Variants in PIGU observed in about 807,000 individuals in gnomAD.
PIGU encodes the protein GPI-anchor transamidase component PIGU.
In PIGU, 24 loss-of-function variants were observed where a neutral mutation model predicts 49.9. That is an observed-to-expected ratio of 0.48 (90% confidence interval 0.35 to 0.68). The LOEUF (loss-of-function observed/expected upper bound fraction) is 0.68, where lower values mean the gene tolerates loss of function less well. Among genes scored for constraint, PIGU ranks in the 30% least tolerant of loss-of-function variants. PIGU has a pLI of 0.01. For missense variants in PIGU, 490 were observed against 532.6 expected, an observed-to-expected ratio of 0.92 and a Z score of 0.79; for synonymous variants, 220 against 205.7, an observed-to-expected ratio of 1.07 and a Z score of -0.59.
At chr20:34,657,417 T>C (rs1301791302) in intron 1 of PIGU, among the ~76,000 whole-genome samples, 173 bp from the exon 2 acceptor site, 1 of 152,256 alleles carries the variant, frequency 6.6e-6, no homozygotes, top group Non-Finnish European at 1.5e-5. Flanking sequence ...CTCTCTTTCA[T>C]GGACAGCATC....
At chr20:34,632,496 T>C (rs1985819093) in intron 6 of PIGU, among the ~76,000 whole-genome samples, 1 of 151,954 alleles carries the variant, frequency 6.6e-6, no homozygotes, top group Non-Finnish European at 1.5e-5. Flanking sequence ...GCCTCCCAAG[T>C]AGCTGGGATT....
intron 6 of PIGU, among the ~76,000 whole-genome samples, chr20:34,618,630 TA>T (rs897407900): frequency 8.6e-5 from 13 of 151,696 alleles, no homozygotes; most frequent in African/African-American, 3.2e-4. Context: ...AAAATAAAAA[TA>T]AAAAAATAAG....
In PIGU at chr20:34,560,982, G is replaced by T. The variant is rs1982473700; in HGVS notation, c.1195-3C>A. On this transcript the variant is annotated splice_region_variant and splice_polypyrimidine_tract_variant and intron_variant, in intron 11 of 11. Coordinates refer to ENST00000217446, the MANE Select transcript of PIGU (RefSeq NM_080476.5). ...AAGTAATCAGAGATGAGCAGGATCT[G>T]GGGGGAGAGAGAGGGTGTGAGGCGC... The T allele has an allele frequency of 1.3e-6, 2 of 1,591,282 alleles. No individual in the cohort carries two copies. The highest frequency in any genetic ancestry group is 1.7e-6 in the Non-Finnish European group (2 of 1,160,514).
Position 34,634,605 on chromosome 20 carries a change from A to C in PIGU, c.529+10T>G, listed in dbSNP as rs757991966. On this transcript the variant is annotated intron_variant, in intron 6 of 11. Transcript: ENST00000217446. ...GGACTGACCTTTGTACTCTCCTTTC[A>C]GGGCCTTACCTTTTATCGTAGTCAA... The C allele has an allele frequency of 7.4e-6, 12 of 1,611,656 alleles. No individual in the cohort carries two copies. In the South Asian group the frequency reaches 1.1e-4, roughly 15 times the overall value.
chr20:34,616,121 G>A lies in PIGU; in HGVS notation c.548C>T (p.Ala183Val), dbSNP rs1984996639. ...GTATGTCGCTAAGGCAAGAAAAATA[G>A]CACTGAGGAAAGCACTGCCTGTAAA... is the stretch of plus-strand genomic sequence containing the variant. ...TTIKGSAFLS[A>V]IFLALATYQS... The change falls in exon 7 of 12, where the codon GCT becomes GTT. Residue 183 changes from alanine to valine, a missense_variant. Ala to Val is a moderately conservative substitution (Grantham distance 64, BLOSUM62 0). Transcript: ENST00000217446. 1.2e-6 allele frequency: 2 copies of A among 1,612,860 alleles called. No individual in the cohort carries two copies. The highest frequency in any genetic ancestry group is 1.7e-4 in the Middle Eastern group (1 of 6,054).
chr20:34,601,182 G>T (rs1470283321), intron 7 of PIGU, among the ~76,000 whole-genome samples: 1 of 152,100 alleles, frequency 6.6e-6, no homozygotes, highest in Non-Finnish European at 1.5e-5. Context: ...GACCTAAAGT[G>T]CTCTCAGTGT....
chr20:34,676,840 C>T (rs1277105135), intron 1 of PIGU, 116 bp downstream of exon 1: 27 of 1,359,744 alleles, frequency 2.0e-5, no homozygotes, highest in Non-Finnish European at 2.6e-5. Context: ...CCCCACGAGA[C>T]AGTCAGTTAG....
intron 2 of PIGU, among the ~76,000 whole-genome samples, chr20:34,653,514 CT>C (rs534834142): frequency 0.011 from 1,671 of 152,082 alleles, 40 homozygotes; most frequent in African/African-American, 0.039. Flanking sequence ...AAATTTGTTT[CT>C]TTTTTTTACT....
chr20:34,622,331 AT>A (rs1463917638), intron 6 of PIGU, among the ~76,000 whole-genome samples: 1 of 152,062 alleles, frequency 6.6e-6, no homozygotes, highest in Non-Finnish European at 1.5e-5. Flanking sequence ...AGCCTGGCCA[AT>A]ATGGTGAAGC....
rs1239533263 is a variant in PIGU, at chr20:34,595,331, A to C, written c.628-6724T>G. ...TTTTTCTTTCATTATTCCCTGAACA[A>C]TACAGTATAAGAACTATTTACATTG... On this transcript the variant is annotated intron_variant, in intron 7 of 11. Coordinates refer to ENST00000217446, the MANE Select transcript of PIGU (RefSeq NM_080476.5). 3.3e-5 allele frequency among the ~76,000 whole-genome samples: 5 copies of C among 152,218 alleles called. No individual in the cohort carries two copies. The South Asian group carries it at 1.0e-3, about 32-fold the overall frequency.
chr20:34,571,840 G>T (rs564400412), intron 11 of PIGU, among the ~76,000 whole-genome samples: 8 of 152,160 alleles, frequency 5.3e-5, no homozygotes, highest in African/African-American at 1.9e-4. Context: ...ATGAAGAGGG[G>T]CTCTCTTACC....
chr20:34,593,894 A>C (rs1984092950), intron 7 of PIGU, among the ~76,000 whole-genome samples: 1 of 151,938 alleles, frequency 6.6e-6, no homozygotes, highest in South Asian at 2.1e-4. Flanking sequence ...CAAACAAAAA[A>C]CACCAGGCAT....
At chr20:34,651,912 C>T (rs919483394) in intron 2 of PIGU, among the ~76,000 whole-genome samples, 4 of 151,594 alleles carry the variant, frequency 2.6e-5, no homozygotes, top group Non-Finnish European at 4.4e-5. Context: ...GAGACCATCC[C>T]GGGCAACAAA....
At chr20:34,611,651 AAAAAAAAAAAAAAAGAC>A (rs1393993413) in intron 7 of PIGU, among the ~76,000 whole-genome samples, 1 of 134,528 alleles carries the variant, frequency 7.4e-6, no homozygotes, top group African/African-American at 2.7e-5. Context: ...AGTCTCAGAA[AAAAAAAAAAAAAAAGAC>A]AAAAAAAAAA....
At chr20:34,647,409 G>T (rs535425647) in intron 2 of PIGU, among the ~76,000 whole-genome samples, 1 of 151,714 alleles carries the variant, frequency 6.6e-6, no homozygotes, top group African/African-American at 2.4e-5. Flanking sequence ...TTACAGCCGC[G>T]CGCCACCACA....
At chr20:34,672,376 T>C in intron 1 of PIGU, among the ~76,000 whole-genome samples, 1 of 152,220 alleles carries the variant, frequency 6.6e-6, no homozygotes, top group Non-Finnish European at 1.5e-5. Context: ...TCCCTTCTTT[T>C]GGTAACAGCA....
rs1224063967 is a variant in PIGU, at chr20:34,664,227, C to T, written c.131-6983G>A. ...GTGTAATGGCTTGATCATAGCTCATCGCAGCCTCAACCTTCCAGGCTCAAG... is the reference window on the plus strand; with the variant it reads ...GTGTAATGGCTTGATCATAGCTCATTGCAGCCTCAACCTTCCAGGCTCAAG... On this transcript the variant is annotated intron_variant, in intron 1 of 11. Coordinates refer to ENST00000217446, the MANE Select transcript of PIGU (RefSeq NM_080476.5). Among the ~76,000 whole-genome samples, 7 of 152,218 alleles carry T rather than the reference C, an allele frequency of 4.6e-5. No individual in the cohort carries two copies. The East Asian group carries it at 5.8e-4, about 13-fold the overall frequency.
At chr20:34,672,855 TCAAAAAAAAA>T (rs1164873229) in intron 1 of PIGU, among the ~76,000 whole-genome samples, 84 of 95,300 alleles carry the variant, frequency 8.8e-4, no homozygotes, top group African/African-American at 3.6e-3. Context: ...ACCCTGTCTC[TCAAAAAAAAA>T]AAAAAAAAAA....
At chr20:34,662,446 A>C (rs1451267394) in intron 1 of PIGU, among the ~76,000 whole-genome samples, 1 of 144,458 alleles carries the variant, frequency 6.9e-6, no homozygotes, top group Non-Finnish European at 1.5e-5. Context: ...CCCAGGCTGG[A>C]ATGCAGTGGC....
Sources: allele counts gnomAD v4.1 joint callset (sites outside exome capture counted in the v4.1 genomes callset), GRCh38; gene constraint gnomAD v4.1.1; transcripts MANE v1.5; gene names NCBI Gene and HGNC (gene_info 2026-07-23, HGNC 2026-07-21).